Variants in M1AP observed in about 807,000 individuals in gnomAD.
M1AP encodes the protein meiosis 1 arrest protein.
In M1AP, 39 loss-of-function variants were observed where a neutral mutation model predicts 51.2. That is an observed-to-expected ratio of 0.76 (90% CI 0.59 to 1.00). The LOEUF (loss-of-function observed/expected upper bound fraction) is 1.00. Ranked by LOEUF, M1AP falls within the 50% of genes least tolerant of loss-of-function variation. The pLI is 0.00. For synonymous variants in M1AP, 251 were observed against 249.2 expected, an observed-to-expected ratio of 1.01 and a Z score of -0.07; for missense variants, 545 against 641.2, an observed-to-expected ratio of 0.85 and a Z score of 1.62.
At position 74,630,710 on chromosome 2, in the gene M1AP, A is replaced by AT. The variant is rs969439524; in HGVS notation, c.240+9325dup. On this transcript the variant is annotated intron_variant, in intron 2 of 10. Transcript: ENST00000421985. The stretch of plus-strand genomic sequence containing the variant: ...GTATTCCATGGTGTGTATGTACCAC[A>AT]TTTTTTTTTAATCCAGCCTATCACT... Among the ~76,000 whole-genome samples the AT allele has an allele frequency of 1.2e-4, 18 of 150,180 alleles. 1 individual carries two copies. Among genetic ancestry groups the AT allele is most frequent in the Admixed American group, 8.0e-4 (12 of 15,080 alleles).
intron 4 of M1AP, among the ~76,000 whole-genome samples, chr2:74,601,361 C>T (rs1206866421): frequency 6.6e-6 from 1 of 151,972 alleles, no homozygotes; most frequent in Admixed American, 6.6e-5. Flanking sequence ...GGTATAGTCT[C>T]ATTTTTTGTC....
At chr2:74,616,225 T>C (rs955911183) in intron 2 of M1AP, among the ~76,000 whole-genome samples, 41 of 152,368 alleles carry the variant, frequency 2.7e-4, no homozygotes, top group African/African-American at 9.9e-4. Context: ...TCTTCTCATG[T>C]ACCCACTAAA....
intron 7 of M1AP, among the ~76,000 whole-genome samples, chr2:74,573,747 ATATC>A (rs1211983894): frequency 1.3e-5 from 2 of 152,174 alleles, no homozygotes; most frequent in African/African-American, 2.4e-5. Context: ...GCTGGTACAT[ATATC>A]TTCATCCCTT....
Position 74,562,243 on chromosome 2 carries a change from G to T in M1AP, c.1255C>A (p.His419Asn). 2 of 1,613,724 alleles carry T rather than the reference G, an allele frequency of 1.2e-6. No homozygotes were observed. The highest frequency in any genetic ancestry group is 2.2e-5 in the South Asian group (2 of 91,068). Reference sequence around the variant, plus strand: ...TCCACATTCTTAAGGCTATCATCATGTGGGTCCTCAGGTAGCAGGGGGAAG... The same window carrying T: ...TCCACATTCTTAAGGCTATCATCATTTGGGTCCTCAGGTAGCAGGGGGAAG... ...STFPLLPEDPHDDSLKNVESM... is the reference protein window; with the variant it reads ...STFPLLPEDPNDDSLKNVESM... The change falls in exon 8 of 11, where the codon CAT becomes AAT. Residue 419 changes from histidine (H) to asparagine (N), a missense_variant. His to Asn is a moderately conservative substitution (Grantham distance 68). Transcript: ENST00000421985.
At chr2:74,638,166 C>T (rs986917384) in intron 2 of M1AP, among the ~76,000 whole-genome samples, 9 of 151,908 alleles carry the variant, frequency 5.9e-5, no homozygotes, top group Admixed American at 1.3e-4. Context: ...GCGATTCTCC[C>T]GCCTCAGCCT....
chr2:74,604,675 G>A (rs1030255172), intron 4 of M1AP, among the ~76,000 whole-genome samples: 7 of 152,164 alleles, frequency 4.6e-5, no homozygotes, highest in Non-Finnish European at 4.4e-5. Context: ...GGAGATCCCT[G>A]CTCTAAGACA....
intron 7 of M1AP, among the ~76,000 whole-genome samples, chr2:74,563,237 T>C (rs1309756122): frequency 1.3e-5 from 2 of 151,618 alleles, no homozygotes; most frequent in Non-Finnish European, 2.9e-5. Context: ...TAAAGATAGA[T>C]AGATGATTGA....
intron 3 of M1AP, among the ~76,000 whole-genome samples, chr2:74,607,555 C>T (rs187102905): frequency 1.8e-3 from 279 of 152,240 alleles, no homozygotes; most frequent in Non-Finnish European, 2.9e-3. Flanking sequence ...CTCACTGCAA[C>T]CTCCGCCTTC....
intron 7 of M1AP, among the ~76,000 whole-genome samples, chr2:74,565,408 T>C (rs1313239727): frequency 6.6e-6 from 1 of 152,132 alleles, no homozygotes; most frequent in Non-Finnish European, 1.5e-5. Context: ...ATAAAATGAA[T>C]TATATACTGC....
intron 1 of M1AP, among the ~76,000 whole-genome samples, chr2:74,647,620 A>G (rs10194944): frequency 0.096 from 14,544 of 152,230 alleles, 2,028 homozygotes; most frequent in African/African-American, 0.31. Flanking sequence ...GTGGCCGGGC[A>G]CGGTGGCTCA....
chr2:74,577,695 C>T (rs1053398854), intron 5 of M1AP, among the ~76,000 whole-genome samples: 4 of 152,180 alleles, frequency 2.6e-5, no homozygotes, highest in Non-Finnish European at 5.9e-5. Flanking sequence ...TGAGACGGCC[C>T]TCAGCCTGAC....
chr2:74,576,409 C>A (rs1266259316), intron 6 of M1AP, 47 bp downstream of exon 6: 4 of 1,598,880 alleles, frequency 2.5e-6, no homozygotes, highest in Non-Finnish European at 3.4e-6. Context: ...CACAGAACCA[C>A]TAAGAATAGC....
intron 1 of M1AP, among the ~76,000 whole-genome samples, chr2:74,647,031 C>G (rs1683652537): frequency 6.6e-6 from 1 of 152,168 alleles, no homozygotes; most frequent in African/African-American, 2.4e-5. Context: ...ATACTCTCCA[C>G]TTTTGCCAAG....
At chr2:74,578,827 G>C (rs1679240269) in intron 5 of M1AP, among the ~76,000 whole-genome samples, 1 of 151,780 alleles carries the variant, frequency 6.6e-6, no homozygotes, top group Non-Finnish European at 1.5e-5. Flanking sequence ...GAGTCTAGAG[G>C]AGGAAAGCTT....
intron 4 of M1AP, among the ~76,000 whole-genome samples, chr2:74,606,587 A>AGT (rs987137373): frequency 7.9e-5 from 12 of 151,556 alleles, no homozygotes; most frequent in African/African-American, 1.9e-4. Flanking sequence ...ATATTAAGAG[A>AGT]GTGTGTGTGT....
chr2:74,560,386 AGT>A, intron 8 of M1AP, 95 bp from the exon 9 acceptor site: 1 of 1,324,508 alleles, frequency 7.5e-7, no homozygotes, highest in Non-Finnish European at 1.0e-6. Flanking sequence ...GGCTGGAGGA[AGT>A]GTGAAACCCC....
chr2:74,575,847 T>TTTTTG (rs1399441324), intron 6 of M1AP, among the ~76,000 whole-genome samples: 2 of 152,196 alleles, frequency 1.3e-5, no homozygotes, highest in African/African-American at 4.8e-5. Flanking sequence ...TCATTGTGTT[T>TTTTTG]TTTTGTTTTG....
chr2:74,598,621 CTTTTT>C (rs534856535), intron 4 of M1AP, among the ~76,000 whole-genome samples: 1 of 114,388 alleles, frequency 8.7e-6, no homozygotes, highest in African/African-American at 3.9e-5. Context: ...TGTATATCAA[CTTTTT>C]TTTTTTTTTT....
chr2:74,634,051 G>T (rs1682840968), intron 2 of M1AP, among the ~76,000 whole-genome samples: 2 of 152,072 alleles, frequency 1.3e-5, no homozygotes, highest in Non-Finnish European at 2.9e-5. Context: ...GATAACAATA[G>T]ATTTTAAAAA....
Sources: gnomAD v4.1 joint callset for allele counts (sites outside exome capture counted in the v4.1 genomes callset) on GRCh38, gnomAD v4.1.1 for gene constraint, MANE v1.5 for transcripts, NCBI Gene and HGNC (gene_info 2026-07-23, HGNC 2026-07-21) for gene names.